Variants in IPO7 observed in about 807,000 individuals in gnomAD.
The protein encoded by IPO7 is importin-7.
A neutral mutation model predicts 136.4 loss-of-function variants in IPO7; 13 were observed. The ratio of observed to expected loss-of-function variants is 0.10; its 90% CI spans 0.06 to 0.15. The LOEUF (loss-of-function observed/expected upper bound fraction) is 0.15. Among genes scored for constraint, IPO7 ranks in the 10% least tolerant of loss-of-function variants. IPO7 has a pLI of 1.00. For missense variants in IPO7, 857 were observed against 1,240.6 expected (o/e 0.69, Z 4.65); for synonymous variants, 403 against 404.4 (o/e 1.00, Z 0.04).
chr11:9,435,988 T>C (rs1398087456), intron 19 of IPO7, among the ~76,000 whole-genome samples: 2 of 152,230 alleles, frequency 1.3e-5, no homozygotes, highest in African/African-American at 4.8e-5. Context: ...GTCAACTTGC[T>C]GTAATCCAGA....
rs1590441395 is a variant in IPO7, at chr11:9,420,624, C to T, written c.832C>T (p.Pro278Ser). 1 of 1,611,778 alleles carries T rather than the reference C, an allele frequency of 6.2e-7. No homozygotes were observed. The highest frequency in any genetic ancestry group is 1.1e-5 in the South Asian group (1 of 90,922). Residue 278 changes from proline (P) to serine (S), a missense_variant, in exon 8 of 25, where the codon CCT becomes TCT. By Grantham distance (74) the Pro-to-Ser change is moderately conservative. Transcript: ENST00000379719. ...LARLFERYGS[P>S]GNVSKEYNEF... ...TTGATGTTCTTTTAGATATGGAAGC[C>T]CTGGCAATGTTTCCAAGGAGTATAA... is the stretch of plus-strand genomic sequence containing the variant.
chr11:9,436,869 T>TATATATATATATA (rs1491472277), intron 20 of IPO7, among the ~76,000 whole-genome samples: 40 of 13,600 alleles, frequency 2.9e-3, no homozygotes, highest in South Asian at 9.3e-3. Context: ...TATATATATA[T>TATATATATATATA]TTTTTTTTTT....
chr11:9,390,800 C>T (rs919294416), intron 1 of IPO7, among the ~76,000 whole-genome samples: 1 of 101,142 alleles, frequency 9.9e-6, no homozygotes, highest in Non-Finnish European at 2.1e-5. Context: ...GCCAGAGCCT[C>T]GCTCTGTCAC....
Position 9,430,897 on chromosome 11 carries a change from T to G in IPO7, c.1775T>G (p.Ile592Ser), listed in dbSNP as rs2133757533. 6.2e-7 allele frequency: 1 copy of G among 1,612,142 alleles called. No individual in the cohort carries two copies. The highest frequency in any genetic ancestry group is 2.2e-5 in the East Asian group (1 of 44,842). The stretch of plus-strand genomic sequence containing the variant: ...TAGGCAATGACATTTAACCAAGTAA[T>G]CCAGACGGGGCCAGATGAAGAAGGT... ...QHLAMTFNQV[I>S]QTGPDEEGSD... The change falls in exon 16 of 25, where the codon ATC becomes AGC. Residue 592 changes from isoleucine (I) to serine (S), a missense_variant. By Grantham distance (142) the Ile-to-Ser change is moderately radical (BLOSUM62 -2). This residue lies in a region of IPO7 where 58 missense variants were observed against 122.1 expected (regional missense o/e 0.47). Coordinates refer to ENST00000379719, the MANE Select transcript of IPO7 (RefSeq NM_006391.3).
chr11:9,426,199 C>T (rs1037507096), intron 12 of IPO7, among the ~76,000 whole-genome samples: 5 of 152,314 alleles, frequency 3.3e-5, no homozygotes, highest in African/African-American at 1.2e-4. Context: ...TCTCCCAACC[C>T]TAGGCTACCT....
chr11:9,434,367 C>T (rs1381863602), intron 18 of IPO7, among the ~76,000 whole-genome samples: 2 of 130,732 alleles, frequency 1.5e-5, no homozygotes, highest in East Asian at 4.2e-4. Flanking sequence ...AACACAGATA[C>T]ATACCCACAC....
chr11:9,423,937 C>A, intron 10 of IPO7, 61 bp downstream of exon 10: 1 of 949,046 alleles, frequency 1.1e-6, no homozygotes, highest in Non-Finnish European at 1.7e-6. Context: ...ACAGTGATTG[C>A]ATGTAGCCAA....
At chr11:9,443,329 A>G (rs1214910344) in intron 24 of IPO7, among the ~76,000 whole-genome samples, 10 of 152,154 alleles carry the variant, frequency 6.6e-5, no homozygotes. Context: ...GCAGTGGCTC[A>G]CACCTGTAAT....
At position 9,446,215 on chromosome 11, in the gene IPO7, T is replaced by C. The variant is rs542927430; in HGVS notation, c.*1021T>C. On this transcript the variant is annotated 3_prime_UTR_variant, in exon 25 of 25. Transcript: ENST00000379719. ...TATATATGCAATCTATTAAAAGAAC[T>C]TAATTCGGCTATTATGTCTTGATTT... is the stretch of plus-strand genomic sequence containing the variant. The C allele has an allele frequency of 3.9e-5, 6 of 152,376 alleles. No individual in the cohort carries two copies. Among genetic ancestry groups the C allele is most frequent in the African/African-American group, 1.4e-4 (6 of 41,588 alleles). 9.4% of individuals were successfully genotyped at this position (152,376 alleles called of 1,614,324 possible).
In IPO7 at chr11:9,424,890, C is replaced by G. The variant is rs760880234; in HGVS notation, c.1142-24C>G. 10 of 1,409,572 alleles carry G rather than the reference C, an allele frequency of 7.1e-6. 1 individual carries two copies. The South Asian group carries it at 9.7e-5, about 14-fold the overall frequency. The allele number at this position is 1,409,572 out of a possible 1,614,324, so 87.3% of individuals were successfully genotyped here. On this transcript the variant is annotated intron_variant, in intron 10 of 24. Transcript: ENST00000379719. ...TGTTGAAGAAATTAATGTTTATTGT[C>G]TTAATTTTAAACTTGTTCTCTAGAT...
At chr11:9,421,342 C>T (rs1290235504) in intron 8 of IPO7, among the ~76,000 whole-genome samples, 1 of 150,672 alleles carries the variant, frequency 6.6e-6, no homozygotes, top group Non-Finnish European at 1.5e-5. Context: ...ATGAGGGACT[C>T]GTTTTATTCA....
In IPO7 at chr11:9,385,054, G is replaced by A. The variant is rs933317833; in HGVS notation, c.84+207G>A. ...TGCAGCCAAGGCTGCCTTTGCTTCG[G>A]ATCCTGAGCTGGGCCTCTGGCTGCG... On this transcript the variant is annotated intron_variant, in intron 1 of 24. Transcript: ENST00000379719. 2.0e-5 allele frequency among the ~76,000 whole-genome samples: 3 copies of A among 152,162 alleles called. No individual in the cohort carries two copies. The East Asian group carries it at 5.8e-4, about 29-fold the overall frequency.
rs1374459962 is a variant in IPO7, at chr11:9,447,039, A to AGTT, written c.*1848_*1850dup. 6.6e-6 allele frequency: 1 copy of AGTT among 152,242 alleles called. No homozygotes were observed. Among genetic ancestry groups the AGTT allele is most frequent in the African/African-American group, 2.4e-5 (1 of 41,478 alleles). 9.4% of individuals were successfully genotyped at this position (152,242 alleles called of 1,614,324 possible). On this transcript the variant is annotated 3_prime_UTR_variant, in exon 25 of 25. Transcript: ENST00000379719. ...TATATAAAGTCAATAAAAATGAAGT[A>AGTT]GTTGTATATATGCAACATTGTGTAC...
chr11:9,445,064 G>T, intron 24 of IPO7, 33 bp from the exon 25 acceptor site: 1 of 1,310,486 alleles, frequency 7.6e-7, no homozygotes, highest in Non-Finnish European at 1.1e-6. Context: ...GTAGATGATT[G>T]AATGCCCTAC....
intron 6 of IPO7, among the ~76,000 whole-genome samples, chr11:9,417,813 C>T (rs941759100): frequency 1.4e-5 from 2 of 145,748 alleles, no homozygotes; most frequent in South Asian, 2.2e-4. Flanking sequence ...CCCAGGTTCA[C>T]GCGATTCTCA....
chr11:9,393,812 A>G (rs2133720830), intron 1 of IPO7, among the ~76,000 whole-genome samples: 1 of 152,336 alleles, frequency 6.6e-6, no homozygotes, highest in African/African-American at 2.4e-5. Context: ...GAGGTTAAAC[A>G]AACTGAAGAC....
Position 9,444,967 on chromosome 11 carries a change from G to T in IPO7, c.3020-130G>T, listed in dbSNP as rs527993571. The T allele has an allele frequency of 6.2e-6, 4 of 641,246 alleles. No homozygotes were observed. In the Admixed American group the frequency reaches 1.0e-4, roughly 16 times the overall value. 39.7% of individuals were successfully genotyped at this position (641,246 alleles called of 1,614,324 possible). A position where few individuals can be genotyped will look rare whatever the true frequency, so the allele number is the denominator to read the frequency against. On this transcript the variant is annotated intron_variant, in intron 24 of 24. Coordinates refer to ENST00000379719, the MANE Select transcript of IPO7 (RefSeq NM_006391.3). ...TGCTCCCTTGCCCTTATACATTGGAGAAATCATGGATTTTGGAACTTCCTG... is the reference window on the plus strand; with the variant it reads ...TGCTCCCTTGCCCTTATACATTGGATAAATCATGGATTTTGGAACTTCCTG...
At chr11:9,421,090 T>G (rs1187788557) in intron 8 of IPO7, among the ~76,000 whole-genome samples, 1 of 151,916 alleles carries the variant, frequency 6.6e-6, no homozygotes, top group Non-Finnish European at 1.5e-5. Flanking sequence ...GCCTCCCGAG[T>G]AGCTGGGATT....
At chr11:9,398,254 G>A (rs181506965) in intron 1 of IPO7, among the ~76,000 whole-genome samples, 10 of 152,268 alleles carry the variant, frequency 6.6e-5, no homozygotes, top group Admixed American at 5.2e-4. Context: ...ATGAAGAACT[G>A]GGGATATAAA....
Sources: allele counts gnomAD v4.1 joint callset (sites outside exome capture counted in the v4.1 genomes callset), GRCh38; gene constraint gnomAD v4.1.1; regional missense constraint gnomAD v4.1.1; transcripts MANE v1.5; gene names NCBI Gene and HGNC (gene_info 2026-07-23, HGNC 2026-07-21).